The following CCDC3 variants were observed in gnomAD, a reference collection of about 807,000 sequenced individuals.
CCDC3 encodes coiled-coil domain-containing protein 3.
Under a neutral mutation model 21.4 loss-of-function variants are expected in CCDC3, and 24 were observed. The observed-to-expected ratio is 1.12, with a 90% CI of 0.81 to 1.58. The LOEUF (loss-of-function observed/expected upper bound fraction) is 1.58. Among genes scored for constraint, CCDC3 ranks in the 40% most tolerant of loss-of-function variants. The probability of loss-of-function intolerance (pLI) is 0.00; values close to 1 mark genes in which losing one functional copy is unlikely to be tolerated. For synonymous variants in CCDC3, 186 were observed against 166.0 expected, an observed-to-expected ratio of 1.12 and a Z score of -0.93; for missense variants, 425 against 360.9, an observed-to-expected ratio of 1.18 and a Z score of -1.44.
rs529710031 is a variant in CCDC3, at chr10:13,086,154, G to C, written c.-502-12054C>G. Among the ~76,000 whole-genome samples the C allele has an allele frequency of 7.2e-5, 11 of 152,262 alleles. No individual in the cohort carries two copies. The South Asian group carries it at 8.3e-4, about 11-fold the overall frequency. On this transcript the variant is annotated intron_variant, in intron 3 of 6. Transcript: ENST00000378839. ...TATGTTCTTAGGCCAAGGGAAGCAG[G>C]AAAGATGGCGCATATGAGAAACAGA...
In CCDC3 at chr10:12,935,811, G is replaced by A. The variant is rs776762014; in HGVS notation, c.550-37132C>T. 1.8e-4 allele frequency among the ~76,000 whole-genome samples: 27 copies of A among 152,210 alleles called. 2 individuals are homozygous for A. Among genetic ancestry groups the A allele is most frequent in the South Asian group, 4.1e-4 (2 of 4,822 alleles). On this transcript the variant is annotated intron_variant, in intron 2 of 2. Coordinates refer to ENST00000378825, the MANE Select transcript of CCDC3 (RefSeq NM_031455.4). ...CTCTAGAGTATCTGGGACTGCAGGCGTGAGCCAGTGCGCCCGGCCAACCCA... is the reference window on the plus strand; with the variant it reads ...CTCTAGAGTATCTGGGACTGCAGGCATGAGCCAGTGCGCCCGGCCAACCCA...
At chr10:12,931,377 G>A (rs1021170673) in intron 2 of CCDC3, among the ~76,000 whole-genome samples, 3 of 152,078 alleles carry the variant, frequency 2.0e-5, no homozygotes, top group African/African-American at 7.2e-5. Context: ...CCTTCTTCTG[G>A]GGTTACTTCC....
intron 3 of CCDC3, among the ~76,000 whole-genome samples, chr10:13,076,516 A>C (rs1836966295): frequency 6.6e-6 from 1 of 152,224 alleles, no homozygotes; most frequent in Admixed American, 6.5e-5. Flanking sequence ...AATAAATCAT[A>C]AGTGTTAGAA....
intron 2 of CCDC3, among the ~76,000 whole-genome samples, chr10:12,996,938 G>C (rs61853160): frequency 0.018 from 2,690 of 152,214 alleles, 45 homozygotes; most frequent in South Asian, 0.033. Flanking sequence ...GAGGGTGGGA[G>C]GAGGGTGAGG....
At chr10:12,925,386 GT>G (rs1396428877) in intron 2 of CCDC3, among the ~76,000 whole-genome samples, 5 of 137,122 alleles carry the variant, frequency 3.6e-5, no homozygotes, top group Non-Finnish European at 7.8e-5. Context: ...AAAGTCCTTT[GT>G]GGGCCATTAA....
intron 5 of CCDC3, among the ~76,000 whole-genome samples, chr10:13,037,725 G>A (rs1029967289): frequency 6.6e-6 from 1 of 152,158 alleles, no homozygotes; most frequent in Non-Finnish European, 1.5e-5. Flanking sequence ...ACTTTGGGAG[G>A]CCAAGGTGGG....
Position 12,972,325 on chromosome 10 carries a change from T to C in CCDC3, c.549+26013A>G, listed in dbSNP as rs571959941. On this transcript the variant is annotated intron_variant, in intron 2 of 2. Coordinates refer to ENST00000378825, the MANE Select transcript of CCDC3 (RefSeq NM_031455.4). ...GCCACCTGGAGACTCATCCCTGCCA[T>C]AGCCCCAGGCACACCCTTGGGCTTC... Among the ~76,000 whole-genome samples the C allele has an allele frequency of 1.2e-4, 19 of 152,264 alleles. No homozygotes were observed. In the Middle Eastern group the frequency reaches 0.02, roughly 164 times the overall value.
chr10:12,933,621 T>C (rs1834687681), intron 2 of CCDC3, among the ~76,000 whole-genome samples: 1 of 151,948 alleles, frequency 6.6e-6, no homozygotes, highest in Non-Finnish European at 1.5e-5. Context: ...CACGCCAGGA[T>C]AATATTTTGT....
At chr10:13,025,106 CA>C (rs1836197552) in intron 5 of CCDC3, among the ~76,000 whole-genome samples, 1 of 151,984 alleles carries the variant, frequency 6.6e-6, no homozygotes, top group Non-Finnish European at 1.5e-5. Flanking sequence ...GTGGGTTGAC[CA>C]GGGGGTTATT....
chr10:13,030,991 A>G (rs1836292798), intron 5 of CCDC3, among the ~76,000 whole-genome samples: 1 of 152,212 alleles, frequency 6.6e-6, no homozygotes, highest in Admixed American at 6.5e-5. Flanking sequence ...TGCACCAAGC[A>G]GACCTAATAG....
intron 2 of CCDC3, among the ~76,000 whole-genome samples, chr10:12,986,138 A>C (rs1256579630): frequency 9.9e-5 from 15 of 152,220 alleles, no homozygotes; most frequent in Admixed American, 9.8e-4. Flanking sequence ...CTGCCTGTGT[A>C]ACTATCAGGT....
intron 2 of CCDC3, among the ~76,000 whole-genome samples, chr10:12,914,118 T>G (rs1293468044): frequency 2.6e-5 from 4 of 152,208 alleles, no homozygotes; most frequent in Non-Finnish European, 5.9e-5. Context: ...AAGTATTCCC[T>G]CCTGTTCAAT....
intron 2 of CCDC3, among the ~76,000 whole-genome samples, chr10:12,991,370 G>T (rs1208078614): frequency 6.6e-6 from 1 of 151,966 alleles, no homozygotes; most frequent in African/African-American, 2.4e-5. Flanking sequence ...GCCCAGACTG[G>T]AGTGCAGTGG....
At chr10:13,060,979 C>T (rs1472959998) in intron 4 of CCDC3, among the ~76,000 whole-genome samples, 1 of 152,190 alleles carries the variant, frequency 6.6e-6, no homozygotes, top group African/African-American at 2.4e-5. Context: ...GTAATAAAGG[C>T]ATGGCCCAAG....
chr10:12,912,692 C>A (rs535507198), intron 2 of CCDC3, among the ~76,000 whole-genome samples: 2 of 152,156 alleles, frequency 1.3e-5, no homozygotes, highest in African/African-American at 4.8e-5. Flanking sequence ...ATTGCCCAGA[C>A]CAATGTCATG....
intron 3 of CCDC3, among the ~76,000 whole-genome samples, chr10:13,075,333 C>T (rs1836949674): frequency 6.6e-6 from 1 of 152,206 alleles, no homozygotes; most frequent in Admixed American, 6.5e-5. Context: ...GCTCCAAAAT[C>T]AGTGGGTATT....
At chr10:13,098,710 A>ATTTTTTGTTTTTTTTTTTT (rs1832666982) in intron 2 of CCDC3, 1 of 64,854 alleles carries the variant, frequency 1.5e-5, no homozygotes, top group African/African-American at 6.6e-5. Context: ...TCCTGCACTG[A>ATTTTTTGTTTTTTTTTTTT]TTTTTTTTTT....
chr10:12,931,480 C>T (rs1161877771), intron 2 of CCDC3, among the ~76,000 whole-genome samples: 1 of 152,190 alleles, frequency 6.6e-6, no homozygotes, highest in Non-Finnish European at 1.5e-5. Context: ...CCATCAGATG[C>T]TGAAGATCTG....
chr10:13,043,732 C>A (rs1018757508), intron 5 of CCDC3, among the ~76,000 whole-genome samples: 1 of 152,232 alleles, frequency 6.6e-6, no homozygotes, highest in African/African-American at 2.4e-5. Context: ...ATATGTACCA[C>A]ATTTTCTTTA....
Sources: gnomAD v4.1 joint callset for allele counts (sites outside exome capture counted in the v4.1 genomes callset) on GRCh38, gnomAD v4.1.1 for gene constraint, MANE v1.5 for transcripts, NCBI Gene and HGNC (gene_info 2026-07-23, HGNC 2026-07-21) for gene names.